ST7L: variants seen among roughly 807,000 people sequenced by gnomAD.
ST7L encodes suppressor of tumorigenicity 7 protein-like.
ST7L carries 57 observed loss-of-function variants against 72.5 expected under a neutral mutation model. The observed-to-expected ratio is 0.79, with a 90% CI of 0.64 to 0.98. ST7L has a LOEUF of 0.98. ST7L is among the 50% of genes least tolerant of loss of function. The pLI, the probability that ST7L is intolerant of heterozygous loss-of-function variation, is 0.00. For synonymous variants in ST7L, 221 were observed against 240.9 expected, an observed-to-expected ratio of 0.92 and a Z score of 0.77; for missense variants, 576 against 672.2, an observed-to-expected ratio of 0.86 and a Z score of 1.58.
At chr1:112,530,929 A>C (rs1317332663) in intron 14 of ST7L, among the ~76,000 whole-genome samples, 1 of 152,210 alleles carries the variant, frequency 6.6e-6, no homozygotes, top group Non-Finnish European at 1.5e-5. Flanking sequence ...GGCAAAAGGA[A>C]CTTTATTTTA....
chr1:112,602,739 G>A (rs568195427), intron 3 of ST7L, among the ~76,000 whole-genome samples: 4 of 135,008 alleles, frequency 3.0e-5, no homozygotes, highest in African/African-American at 5.5e-5. Context: ...TTTTTGAGAC[G>A]GAGTCTCTCT....
intron 13 of ST7L, among the ~76,000 whole-genome samples, chr1:112,547,631 C>T (rs1357685248): frequency 8.0e-6 from 1 of 124,736 alleles, no homozygotes; most frequent in African/African-American, 3.0e-5. Context: ...AGTGCAGTCT[C>T]AGCTCACTGC....
At position 112,619,087 on chromosome 1, in the gene ST7L, TTCACC is replaced by T; in HGVS notation, c.22_26del (p.Gly8SerfsTer55). 1 of 1,613,294 alleles carries T rather than the reference TTCACC, an allele frequency of 6.2e-7. No homozygotes were observed. Among genetic ancestry groups the T allele is most frequent in the Non-Finnish European group, 8.5e-7 (1 of 1,179,902 alleles). ...CAGGAGACGCTCCAACAGCTGCGGC[TTCACC>T]CACGCCGCCACGGTCCGCCATCTTG... On this transcript the variant is annotated frameshift_variant, in exon 1 of 15. Coordinates refer to ENST00000358039, the MANE Select transcript of ST7L (RefSeq NM_017744.5). LOFTEE classifies it high-confidence loss of function.
chr1:112,525,833 C>T lies in ST7L; in HGVS notation c.*180G>A, dbSNP rs1399045687. ...CATCTACAGTTGTCCTTTTTGACAG[C>T]TTCCAAGGGGGGTTTGCCTAGGAAT... On this transcript the variant is annotated 3_prime_UTR_variant, in exon 15 of 15. Coordinates refer to ENST00000358039, the MANE Select transcript of ST7L (RefSeq NM_017744.5). 1.2e-5 allele frequency: 9 copies of T among 743,370 alleles called. No homozygotes were observed. Among genetic ancestry groups the T allele is most frequent in the Non-Finnish European group, 1.8e-5 (9 of 498,670 alleles). The allele number at this position is 743,370 out of a possible 1,614,324, so 46.0% of individuals were successfully genotyped here.
intron 11 of ST7L, among the ~76,000 whole-genome samples, chr1:112,572,771 A>C (rs994368721): frequency 6.6e-6 from 1 of 152,172 alleles, no homozygotes; most frequent in African/African-American, 2.4e-5. Context: ...TATAGTATGC[A>C]GTTAAAATTG....
At chr1:112,578,139 G>C (rs1663451841) in intron 10 of ST7L, among the ~76,000 whole-genome samples, 1 of 152,126 alleles carries the variant, frequency 6.6e-6, no homozygotes, top group Admixed American at 6.6e-5. Context: ...GCTAAAATGT[G>C]GTAGAGTTTG....
chr1:112,589,529 G>T (rs2101935918), intron 6 of ST7L, among the ~76,000 whole-genome samples: 1 of 152,264 alleles, frequency 6.6e-6, no homozygotes, highest in East Asian at 1.9e-4. Context: ...CCTAGGATTT[G>T]TTGTTGCTGC....
At chr1:112,561,608 G>A (rs1429758540) in intron 11 of ST7L, among the ~76,000 whole-genome samples, 1 of 151,804 alleles carries the variant, frequency 6.6e-6, no homozygotes, top group Non-Finnish European at 1.5e-5. Flanking sequence ...AGCCTCCTGA[G>A]TAGCTGGGAT....
intron 13 of ST7L, among the ~76,000 whole-genome samples, chr1:112,543,909 A>G (rs1160616461): frequency 2.0e-5 from 3 of 151,380 alleles, no homozygotes; most frequent in African/African-American, 7.3e-5. Context: ...TAGCAAACTG[A>G]AGGCCTAGGA....
chr1:112,540,069 A>T (rs1301671001), intron 14 of ST7L: 3 of 985,310 alleles, frequency 3.0e-6, no homozygotes, highest in Non-Finnish European at 1.2e-6. Flanking sequence ...AATCGTAAAG[A>T]TTCTTCTGGT....
At position 112,525,385 on chromosome 1, in the gene ST7L, T is replaced by C. The variant is rs1286335795; in HGVS notation, c.*628A>G. On this transcript the variant is annotated 3_prime_UTR_variant, in exon 15 of 15. Transcript: ENST00000358039. The stretch of plus-strand genomic sequence containing the variant: ...ATTTTCTTTGGGTGATTGGCAGGTA[T>C]AGGGCAATAGCCAGTGGGGTGTCAG... 1 of 152,266 alleles carries C rather than the reference T, an allele frequency of 6.6e-6. No individual in the cohort carries two copies. Among genetic ancestry groups the C allele is most frequent in the Non-Finnish European group, 1.5e-5 (1 of 68,100 alleles). 9.4% of individuals were successfully genotyped at this position (152,266 alleles called of 1,614,324 possible). A position where few individuals can be genotyped will look rare whatever the true frequency, so the allele number is the denominator to read the frequency against.
intron 5 of ST7L, among the ~76,000 whole-genome samples, chr1:112,592,947 G>A (rs1286024791): frequency 6.6e-6 from 1 of 150,756 alleles, no homozygotes; most frequent in Non-Finnish European, 1.5e-5. Context: ...GGGGAGTTAG[G>A]AGAAAAAAAA....
Position 112,573,115 on chromosome 1 carries a change from G to A in ST7L, c.1245+3871C>T, listed in dbSNP as rs561415237. Among the ~76,000 whole-genome samples the A allele has an allele frequency of 1.4e-4, 22 of 152,166 alleles. No homozygotes were observed. The South Asian group carries it at 3.3e-3, about 23-fold the overall frequency. ...TGTAATCTCAGCACTTTGGGAGGCCGAGGCGGGCTGATCATCTGAGGTTGG... is the reference window on the plus strand; with the variant it reads ...TGTAATCTCAGCACTTTGGGAGGCCAAGGCGGGCTGATCATCTGAGGTTGG... On this transcript the variant is annotated intron_variant, in intron 11 of 14. Coordinates refer to ENST00000358039, the MANE Select transcript of ST7L (RefSeq NM_017744.5).
chr1:112,539,684 A>T, intron 14 of ST7L: 1 of 981,586 alleles, frequency 1.0e-6, no homozygotes, highest in Non-Finnish European at 1.2e-6. Context: ...GAAAAAGAAA[A>T]AGAAAAGAAA....
chr1:112,533,313 G>A (rs1654679745), intron 14 of ST7L, among the ~76,000 whole-genome samples: 2 of 149,076 alleles, frequency 1.3e-5, no homozygotes, highest in Admixed American at 6.8e-5. Context: ...GCATATGTGC[G>A]TTATTTTATT....
At chr1:112,545,863 C>A (rs1656953092) in intron 13 of ST7L, among the ~76,000 whole-genome samples, 1 of 152,134 alleles carries the variant, frequency 6.6e-6, no homozygotes, top group Non-Finnish European at 1.5e-5. Flanking sequence ...TCTTTTGCTA[C>A]CTAGAAAATA....
intron 11 of ST7L, among the ~76,000 whole-genome samples, chr1:112,569,957 C>CCA (rs1553247960): frequency 1.4e-5 from 1 of 73,366 alleles, no homozygotes; most frequent in East Asian, 3.6e-4. Flanking sequence ...GATTCTGTCT[C>CCA]AAAAAAAAAA....
chr1:112,550,074 T>C (rs1394914543), intron 13 of ST7L, among the ~76,000 whole-genome samples: 1 of 152,210 alleles, frequency 6.6e-6, no homozygotes, highest in Non-Finnish European at 1.5e-5. Flanking sequence ...CTATGGTACA[T>C]TACATTTTCA....
chr1:112,563,441 C>G (rs1472421932), intron 11 of ST7L, among the ~76,000 whole-genome samples: 1 of 152,088 alleles, frequency 6.6e-6, no homozygotes, highest in East Asian at 1.9e-4. Context: ...AGAAAGAAGC[C>G]AGAGATAAAA....
Sources: allele counts gnomAD v4.1 joint callset (sites outside exome capture counted in the v4.1 genomes callset), GRCh38; gene constraint gnomAD v4.1.1; transcripts MANE v1.5; gene names NCBI Gene and HGNC (gene_info 2026-07-23, HGNC 2026-07-21).